STK32B: variants seen among roughly 807,000 people sequenced by gnomAD.
STK32B encodes serine/threonine-protein kinase 32B.
Under a neutral mutation model 52.6 loss-of-function variants are expected in STK32B, and 43 were observed. That is an observed-to-expected ratio of 0.82 (90% confidence interval 0.64 to 1.05). STK32B has a LOEUF of 1.05. STK32B is among the 50% of genes least tolerant of loss of function. The probability of loss-of-function intolerance (pLI) is 0.00; values close to 1 mark genes in which losing one functional copy is unlikely to be tolerated. For missense variants in STK32B, 621 were observed against 534.6 expected (o/e 1.16, Z -1.59); for synonymous variants, 238 against 204.3 (o/e 1.17, Z -1.41).
intron 3 of STK32B, among the ~76,000 whole-genome samples, chr4:5,199,511 T>C (rs1224482916): frequency 6.6e-6 from 1 of 151,980 alleles, no homozygotes; most frequent in African/African-American, 2.4e-5. Flanking sequence ...TTTTTGCATC[T>C]CTGAATCACT....
At chr4:5,183,517 C>T (rs183105431) in intron 3 of STK32B, among the ~76,000 whole-genome samples, 3 of 152,014 alleles carry the variant, frequency 2.0e-5, no homozygotes, top group South Asian at 2.1e-4. Flanking sequence ...AAAATAAAAC[C>T]GGCCATTGAA....
chr4:5,494,029 G>T (rs544762444), intron 11 of STK32B, among the ~76,000 whole-genome samples: 432 of 152,328 alleles, frequency 2.8e-3, no homozygotes, highest in African/African-American at 9.9e-3. Flanking sequence ...TAGGTGTGGT[G>T]TGGTGCTGAA....
At chr4:5,306,000 T>C (rs1462548864) in intron 3 of STK32B, among the ~76,000 whole-genome samples, 1 of 152,188 alleles carries the variant, frequency 6.6e-6, no homozygotes, top group Admixed American at 6.5e-5. Flanking sequence ...AATTTCCATG[T>C]ATTTGCGTTG....
chr4:5,205,750 A>T (rs1722535793), intron 3 of STK32B, among the ~76,000 whole-genome samples: 2 of 150,660 alleles, frequency 1.3e-5, no homozygotes, highest in African/African-American at 4.9e-5. Context: ...GATTGTTTGA[A>T]CTGTGTAAGC....
chr4:5,340,216 C>T (rs1732983366), intron 4 of STK32B, among the ~76,000 whole-genome samples: 1 of 152,170 alleles, frequency 6.6e-6, no homozygotes, highest in African/African-American at 2.4e-5. Context: ...GGCATCCCCA[C>T]AAATGATTGC....
chr4:5,420,366 G>T (rs1237139318), intron 6 of STK32B, among the ~76,000 whole-genome samples: 1 of 152,188 alleles, frequency 6.6e-6, no homozygotes, highest in Non-Finnish European at 1.5e-5. Flanking sequence ...GGAAGGACCT[G>T]GAGCTGGGGC....
chr4:5,180,380 T>C (rs1306997115), intron 3 of STK32B, among the ~76,000 whole-genome samples: 1 of 152,224 alleles, frequency 6.6e-6, no homozygotes, highest in Non-Finnish European at 1.5e-5. Context: ...CCTACCCTTA[T>C]CCTACCATTT....
intron 11 of STK32B, among the ~76,000 whole-genome samples, chr4:5,471,685 G>A (rs7669456): frequency 0.16 from 23,798 of 151,870 alleles, 4,322 homozygotes; most frequent in African/African-American, 0.45. Flanking sequence ...GGGGACCAGC[G>A]TTTTAATATG....
chr4:5,366,362 A>T (rs1734876481), intron 4 of STK32B, among the ~76,000 whole-genome samples: 1 of 152,258 alleles, frequency 6.6e-6, no homozygotes, highest in African/African-American at 2.4e-5. Context: ...ACAAGGAGGA[A>T]AAATTAAAAC....
chr4:5,304,939 A>G (rs7677120), intron 3 of STK32B, among the ~76,000 whole-genome samples: 12,636 of 152,080 alleles, frequency 0.083, 843 homozygotes, highest in African/African-American at 0.18. Context: ...GCATCTATTG[A>G]GATGATCATG....
intron 6 of STK32B, among the ~76,000 whole-genome samples, chr4:5,442,362 T>C (rs1322462372): frequency 1.3e-5 from 2 of 152,072 alleles, no homozygotes; most frequent in East Asian, 1.9e-4. Context: ...TATGTAATGG[T>C]CTTCTTTGTC....
intron 4 of STK32B, among the ~76,000 whole-genome samples, chr4:5,377,202 C>A (rs1176017139): frequency 2.6e-5 from 4 of 152,266 alleles, no homozygotes; most frequent in Non-Finnish European, 4.4e-5. Flanking sequence ...TAAAAATACC[C>A]AACCCCAACG....
intron 2 of STK32B, among the ~76,000 whole-genome samples, chr4:5,140,904 A>G (rs1716396703): frequency 1.3e-5 from 2 of 152,186 alleles, no homozygotes; most frequent in Admixed American, 1.3e-4. Flanking sequence ...CTTATATTTA[A>G]AAAATGAGAG....
intron 3 of STK32B, among the ~76,000 whole-genome samples, chr4:5,198,018 G>A (rs2108772263): frequency 6.6e-6 from 1 of 151,478 alleles, no homozygotes; most frequent in South Asian, 2.1e-4. Context: ...CTGCATGTTA[G>A]TTTTTCTTCA....
At chr4:5,390,859 T>C (rs976886489) in intron 4 of STK32B, among the ~76,000 whole-genome samples, 1 of 152,072 alleles carries the variant, frequency 6.6e-6, no homozygotes, top group African/African-American at 2.4e-5. Flanking sequence ...TTTCCAGTGG[T>C]CTCAGGCAAT....
intron 3 of STK32B, among the ~76,000 whole-genome samples, chr4:5,237,249 C>A (rs564234915): frequency 3.2e-4 from 48 of 152,290 alleles, no homozygotes; most frequent in Non-Finnish European, 6.8e-4. Context: ...ATCTGATTGG[C>A]CAGCTCAGCT....
intron 3 of STK32B, among the ~76,000 whole-genome samples, chr4:5,235,503 A>T (rs1041974790): frequency 6.6e-6 from 1 of 152,190 alleles, no homozygotes; most frequent in Non-Finnish European, 1.5e-5. Flanking sequence ...AGGTATACAG[A>T]TTATCCAAGA....
At chr4:5,354,564 C>T (rs748693422) in intron 4 of STK32B, among the ~76,000 whole-genome samples, 38 of 152,246 alleles carry the variant, frequency 2.5e-4, no homozygotes, top group Admixed American at 7.8e-4. Context: ...CACGCCTGGC[C>T]CCAATGGAAG....
At chr4:5,163,896 G>A (rs550018469) in intron 2 of STK32B, among the ~76,000 whole-genome samples, 6 of 152,290 alleles carry the variant, frequency 3.9e-5, no homozygotes, top group Admixed American at 3.3e-4. Flanking sequence ...CCAGGCATCA[G>A]TCTACCCCTC....
Sources: allele counts gnomAD v4.1 joint callset (sites outside exome capture counted in the v4.1 genomes callset), GRCh38; gene constraint gnomAD v4.1.1; transcripts MANE v1.5; gene names NCBI Gene and HGNC (gene_info 2026-07-23, HGNC 2026-07-21).